Variants in CPM observed in about 807,000 individuals in gnomAD.
CPM encodes the protein carboxypeptidase M.
Under a neutral mutation model 46.4 loss-of-function variants are expected in CPM, and 35 were observed. The ratio of observed to expected loss-of-function variants is 0.75; its 90% CI spans 0.58 to 1.00. The LOEUF (loss-of-function observed/expected upper bound fraction) is 1.00. Among genes scored for constraint, CPM ranks in the 50% least tolerant of loss-of-function variants. The pLI is 0.00. For synonymous variants in CPM, 195 were observed against 195.3 expected, an observed-to-expected ratio of 1.00 and a Z score of 0.01; for missense variants, 422 against 530.4, an observed-to-expected ratio of 0.80 and a Z score of 2.01.
chr12:68,921,343 T>C (rs1054713147), intron 2 of CPM, among the ~76,000 whole-genome samples: 2 of 151,632 alleles, frequency 1.3e-5, no homozygotes, highest in African/African-American at 2.4e-5. Flanking sequence ...GGTTTCACCA[T>C]GTTGGCCAGG....
intron 3 of CPM, among the ~76,000 whole-genome samples, chr12:68,874,350 T>A (rs922119998): frequency 6.6e-6 from 1 of 152,102 alleles, no homozygotes; most frequent in Non-Finnish European, 1.5e-5. Flanking sequence ...GCGTGGAGGC[T>A]TAAGCCTGTA....
intron 1 of CPM, among the ~76,000 whole-genome samples, chr12:68,939,860 G>A (rs1210426995): frequency 2.0e-5 from 3 of 151,982 alleles, no homozygotes; most frequent in Middle Eastern, 3.2e-3. Context: ...AGATAAAAAT[G>A]AAATCTCATA....
intron 2 of CPM, among the ~76,000 whole-genome samples, chr12:68,924,754 A>G (rs1449885487): frequency 6.6e-6 from 1 of 152,226 alleles, no homozygotes. Flanking sequence ...TTTTACGAGC[A>G]TATTTGGGAA....
At chr12:68,938,837 T>G (rs1888713119) in intron 1 of CPM, among the ~76,000 whole-genome samples, 1 of 150,482 alleles carries the variant, frequency 6.6e-6, no homozygotes, top group African/African-American at 2.4e-5. Flanking sequence ...TATCTATATG[T>G]GTACATATAT....
intron 2 of CPM, among the ~76,000 whole-genome samples, chr12:68,887,252 A>G (rs1239206560): frequency 6.6e-6 from 1 of 152,226 alleles, no homozygotes; most frequent in Non-Finnish European, 1.5e-5. Context: ...TGTATGTACA[A>G]AGTTTAAATA....
chr12:68,955,857 TG>T (rs1321559531), intron 1 of CPM, among the ~76,000 whole-genome samples: 3 of 152,068 alleles, frequency 2.0e-5, no homozygotes, highest in Non-Finnish European at 4.4e-5. Context: ...GATTGGTCCA[TG>T]GGTGGCCATG....
chr12:68,885,236 C>G (rs1315146203), intron 3 of CPM, among the ~76,000 whole-genome samples: 3 of 152,128 alleles, frequency 2.0e-5, no homozygotes, highest in African/African-American at 7.2e-5. Context: ...TGAGCCACTG[C>G]ACCCAGCCAA....
chr12:68,896,292 C>T (rs1298471384), intron 2 of CPM, among the ~76,000 whole-genome samples: 4 of 152,174 alleles, frequency 2.6e-5, no homozygotes, highest in African/African-American at 4.8e-5. Flanking sequence ...CCCTACCACC[C>T]TAAGTTAGAT....
chr12:68,934,911 A>C (rs1479943186), upstream of CPM, among the ~76,000 whole-genome samples: 1 of 151,462 alleles, frequency 6.6e-6, no homozygotes, highest in Non-Finnish European at 1.5e-5. Flanking sequence ...TTAATTTTTT[A>C]TTTCTTTCTT....
At position 68,872,252 on chromosome 12, in the gene CPM, CT is replaced by C. The variant is rs10659287; in HGVS notation, c.259-297del. 7.0e-3 allele frequency among the ~76,000 whole-genome samples: 816 copies of C among 117,200 alleles called. 6 individuals carry two copies. Among genetic ancestry groups the C allele is most frequent in the African/African-American group, 0.026 (730 of 28,562 alleles). The allele number at this position is 117,200 out of a possible 152,430, so 76.9% of individuals were successfully genotyped here. On this transcript the variant is annotated intron_variant, in intron 3 of 8. Transcript: ENST00000551568. ...ATAATGCTGCTGCTGCTGCTGCTTCCTTTTTTTTTTTTTTTTTTTGAGACAG... is the reference window on the plus strand; with the variant it reads ...ATAATGCTGCTGCTGCTGCTGCTTCCTTTTTTTTTTTTTTTTTTGAGACAG...
At chr12:68,886,158 G>GATCT (rs1366341084) in intron 2 of CPM, among the ~76,000 whole-genome samples, 2 of 152,120 alleles carry the variant, frequency 1.3e-5, no homozygotes, top group South Asian at 2.1e-4. Flanking sequence ...AGGCGATGTA[G>GATCT]ATCTTACTCT....
At chr12:68,945,114 A>G (rs957167289) in intron 1 of CPM, among the ~76,000 whole-genome samples, 8 of 152,202 alleles carry the variant, frequency 5.3e-5, no homozygotes, top group African/African-American at 1.9e-4. Flanking sequence ...ATGACTCCTG[A>G]GCAGTAAGGG....
intron 2 of CPM, among the ~76,000 whole-genome samples, chr12:68,910,167 AAT>A (rs1272760248): frequency 6.6e-6 from 1 of 152,172 alleles, no homozygotes; most frequent in Admixed American, 6.5e-5. Context: ...CATTCTTCGA[AAT>A]ATCTAAAAGT....
intron 1 of CPM, among the ~76,000 whole-genome samples, chr12:68,953,318 G>A (rs765679171): frequency 6.6e-6 from 1 of 151,958 alleles, no homozygotes; most frequent in Non-Finnish European, 1.5e-5. Flanking sequence ...TCTTACAGCA[G>A]CAGTTCTTTC....
chr12:68,920,726 T>C lies in CPM; in HGVS notation c.160+11952A>G, dbSNP rs1300049084. On this transcript the variant is annotated intron_variant, in intron 2 of 8. Coordinates refer to ENST00000551568, the MANE Select transcript of CPM (RefSeq NM_198320.5). Reference sequence around the variant, plus strand: ...TTTTTTTTTTTAGACAGAGACTCACTGTGGGCCAGGCTGGAGTACAGTGGC... The same window carrying C: ...TTTTTTTTTTTAGACAGAGACTCACCGTGGGCCAGGCTGGAGTACAGTGGC... Among the ~76,000 whole-genome samples the C allele has an allele frequency of 4.7e-5, 7 of 148,482 alleles. No individual in the cohort carries two copies. The Admixed American group carries it at 4.7e-4, about 10-fold the overall frequency.
chr12:68,941,551 ATT>A (rs1048874572), intron 1 of CPM, among the ~76,000 whole-genome samples: 1 of 151,632 alleles, frequency 6.6e-6, no homozygotes, highest in African/African-American at 2.4e-5. Flanking sequence ...TTTTTTGTGT[ATT>A]TTTTGTAGAT....
intron 2 of CPM, chr12:68,913,673 G>C: frequency 3.0e-6 from 1 of 336,876 alleles, no homozygotes; most frequent in Non-Finnish European, 5.8e-6. Context: ...TTCACCTGCA[G>C]AGGGCACATC....
At chr12:68,867,189 G>A in intron 6 of CPM, 141 bp from the exon 7 acceptor site, 1 of 818,952 alleles carries the variant, frequency 1.2e-6, no homozygotes, top group East Asian at 2.6e-5. Context: ...GTAAAATCAG[G>A]GCTTGACATT....
At chr12:68,912,178 T>C (rs563043691) in intron 2 of CPM, among the ~76,000 whole-genome samples, 38 of 152,310 alleles carry the variant, frequency 2.5e-4, no homozygotes, top group Middle Eastern at 3.4e-3. Context: ...CGGCTAATTT[T>C]GTATTTTTAG....
Sources: allele counts gnomAD v4.1 joint callset (sites outside exome capture counted in the v4.1 genomes callset), GRCh38; gene constraint gnomAD v4.1.1; transcripts MANE v1.5; gene names NCBI Gene and HGNC (gene_info 2026-07-23, HGNC 2026-07-21).